The following SATB1 variants were observed in gnomAD, a reference collection of about 807,000 sequenced individuals.
SATB1 encodes the protein SATB homeobox 1.
In SATB1, 11 loss-of-function variants were observed where a neutral mutation model predicts 86.9. The observed-to-expected ratio is 0.13, with a 90% CI of 0.08 to 0.21. The LOEUF (loss-of-function observed/expected upper bound fraction) is 0.21. Among genes scored for constraint, SATB1 ranks in the 10% least tolerant of loss-of-function variants. The pLI is 1.00. For synonymous variants in SATB1, 357 were observed against 357.2 expected (o/e 1.00, Z 0.01); for missense variants, 551 against 937.6 (o/e 0.59, Z 5.39).
At chr3:18,380,591 AACAATT>A (rs1463094351) in intron 8 of SATB1, among the ~76,000 whole-genome samples, 2 of 152,158 alleles carry the variant, frequency 1.3e-5, no homozygotes, top group African/African-American at 4.8e-5. Flanking sequence ...GTGAAACTTT[AACAATT>A]ACAAAGTTAG....
chr3:18,388,117 G>A (rs1696437382), intron 7 of SATB1, among the ~76,000 whole-genome samples: 1 of 152,122 alleles, frequency 6.6e-6, no homozygotes, highest in Non-Finnish European at 1.5e-5. Flanking sequence ...CCTAAGAAAT[G>A]TGACTGAAGA....
chr3:18,373,320 G>T (rs146972675), intron 9 of SATB1, among the ~76,000 whole-genome samples: 36 of 152,288 alleles, frequency 2.4e-4, no homozygotes, highest in Admixed American at 1.2e-3. Flanking sequence ...GGCTACACAG[G>T]TGAACTCTTG....
chr3:18,355,068 G>T (rs1427110869), intron 9 of SATB1, among the ~76,000 whole-genome samples: 3 of 152,076 alleles, frequency 2.0e-5, no homozygotes, highest in Admixed American at 1.3e-4. Context: ...GAAATGCGAT[G>T]ATTTTAAGAG....
In SATB1 at chr3:18,394,568, G is replaced by T; in HGVS notation, c.1100C>A (p.Thr367Asn). The change falls in exon 7 of 11, where the codon ACC becomes AAC. Residue 367 changes from threonine (T) to asparagine (N), a missense_variant. Around this residue, in one of 8 missense-constraint regions of SATB1, gnomAD observed 119 missense variants for 171.1 expected, o/e 0.70. Coordinates refer to ENST00000338745, the MANE Select transcript of SATB1 (RefSeq NM_002971.6). This position sits in a 1 kb window ranked among gnomAD's most constrained non-coding sequence, Gnocchi z 5.9. ...MNKPLEQQVS[T>N]NTEVSSEIYQ... ...GATTTCGGAAGACACCTCTGTGTTG[G>T]TCGAAACCTGTTGCTCCAAAGGCTT... is the stretch of plus-strand genomic sequence containing the variant. The T allele has an allele frequency of 1.9e-6, 3 of 1,614,132 alleles. No individual in the cohort carries two copies. Among genetic ancestry groups the T allele is most frequent in the Non-Finnish European group, 2.5e-6 (3 of 1,180,006 alleles).
At chr3:18,385,631 A>AG (rs1274102868) in intron 8 of SATB1, among the ~76,000 whole-genome samples, 2 of 151,442 alleles carry the variant, frequency 1.3e-5, no homozygotes, top group Non-Finnish European at 2.9e-5. Flanking sequence ...TCAAAAGAAA[A>AG]AAAAAAAAAG....
intron 2 of SATB1, among the ~76,000 whole-genome samples, chr3:18,418,184 A>G (rs1161846525): frequency 6.6e-6 from 1 of 152,168 alleles, no homozygotes; most frequent in East Asian, 1.9e-4. Context: ...GTCCTACAAT[A>G]CTAATGCCTC....
rs1206515861 is a variant in SATB1, at chr3:18,349,786, CTTT to C, written c.1780-107_1780-105del. On this transcript the variant is annotated intron_variant, in intron 10 of 10. Transcript: ENST00000338745. This position sits in a 1 kb window ranked among gnomAD's most constrained non-coding sequence, Gnocchi z 5.5. ...TGGTCCCGGATCCTACATATAGCTT[CTTT>C]GATAGGGATGAAGATTTAGAAAGAA... The C allele has an allele frequency of 6.9e-7, 1 of 1,450,920 alleles. No homozygotes were observed. Among genetic ancestry groups the C allele is most frequent in the African/African-American group, 1.4e-5 (1 of 70,004 alleles). The allele number at this position is 1,450,920 out of a possible 1,614,324, so 89.9% of individuals were successfully genotyped here.
chr3:18,397,166 T>G lies in SATB1; in HGVS notation c.751+13A>C. 1.4e-6 allele frequency: 2 copies of G among 1,443,150 alleles called. No homozygotes were observed. The highest frequency in any genetic ancestry group is 2.0e-6 in the Non-Finnish European group (2 of 1,024,268). 89.4% of individuals were successfully genotyped at this position (1,443,150 alleles called of 1,614,324 possible). The stretch of plus-strand genomic sequence containing the variant: ...TGGTATGTAGCCACTGCTGCAATGT[T>G]TTTTTTGCTTACCCATCATATCTTT... On this transcript the variant is annotated intron_variant, in intron 6 of 10. Coordinates refer to ENST00000338745, the MANE Select transcript of SATB1 (RefSeq NM_002971.6).
At chr3:18,425,814 G>C (rs556168583), upstream of SATB1, among the ~76,000 whole-genome samples, 31 of 145,826 alleles carry the variant, frequency 2.1e-4, no homozygotes, top group African/African-American at 5.8e-4. Flanking sequence ...TGTGTGAGTG[G>C]GAGGGAGGAG....
intron 9 of SATB1, among the ~76,000 whole-genome samples, chr3:18,377,765 T>C (rs1057035179): frequency 5.3e-5 from 8 of 152,106 alleles, no homozygotes; most frequent in Non-Finnish European, 1.2e-4. Flanking sequence ...GATGGCTGAA[T>C]TGGAACAGAA....
intron 2 of SATB1, among the ~76,000 whole-genome samples, chr3:18,431,993 C>T (rs1698905090): frequency 6.6e-6 from 1 of 152,174 alleles, no homozygotes; most frequent in African/African-American, 2.4e-5. Flanking sequence ...CATGGAAGTA[C>T]AGTTCTCAAA....
intron 1 of SATB1, among the ~76,000 whole-genome samples, chr3:18,437,766 T>A (rs901290869): frequency 1.3e-5 from 2 of 152,158 alleles, no homozygotes; most frequent in Non-Finnish European, 2.9e-5. Flanking sequence ...CATTAAACAG[T>A]ACATCTAAGT....
chr3:18,425,932 A>T (rs1698682091), upstream of SATB1, among the ~76,000 whole-genome samples: 3 of 152,012 alleles, frequency 2.0e-5, no homozygotes, highest in Admixed American at 2.0e-4. Flanking sequence ...ACGCCACAAA[A>T]GCCACAAAAA....
intron 9 of SATB1, chr3:18,353,141 T>G (rs971235439): frequency 8.5e-5 from 13 of 152,342 alleles, no homozygotes; most frequent in Non-Finnish European, 1.5e-4. Flanking sequence ...ACCTCTCACC[T>G]GCACTCTGCT....
chr3:18,384,472 T>A (rs202184267), intron 8 of SATB1, among the ~76,000 whole-genome samples: 3 of 103,824 alleles, frequency 2.9e-5, no homozygotes, highest in Non-Finnish European at 6.5e-5. Flanking sequence ...TTTTTTTTTT[T>A]TAAAGCAGTT....
intron 8 of SATB1, among the ~76,000 whole-genome samples, chr3:18,385,394 G>A (rs919977091): frequency 2.0e-5 from 3 of 152,058 alleles, no homozygotes; most frequent in Non-Finnish European, 2.9e-5. Context: ...AGGCCGAGGT[G>A]GGAGGATCAT....
At chr3:18,429,614 C>G (rs1448408236), upstream of SATB1, among the ~76,000 whole-genome samples, 5 of 152,148 alleles carry the variant, frequency 3.3e-5, no homozygotes, top group Non-Finnish European at 7.4e-5. The surrounding 1 kb of genome is among the most constrained non-coding windows in gnomAD (Gnocchi z 4.1). Context: ...CCTGACCCAG[C>G]CTTGAACTTG....
At chr3:18,362,242 G>C (rs964374256) in intron 9 of SATB1, among the ~76,000 whole-genome samples, 1 of 151,822 alleles carries the variant, frequency 6.6e-6, no homozygotes, top group African/African-American at 2.4e-5. Context: ...CCTGCTATTT[G>C]AGTTACATTT....
Position 18,436,279 on chromosome 3 carries a change from G to A in SATB1, c.-25+510C>T, listed in dbSNP as rs191988791. 1.1e-4 allele frequency among the ~76,000 whole-genome samples: 17 copies of A among 152,240 alleles called. No homozygotes were observed. In the East Asian group the frequency reaches 3.3e-3, roughly 29 times the overall value. On this transcript the variant is annotated intron_variant, in intron 2 of 3. Transcript: ENST00000414509. The stretch of plus-strand genomic sequence containing the variant: ...TCATTATTGTAGGAAAGAACGCATA[G>A]AAGGTCAATCAGCCTTGAGGCACTA...
Sources: gnomAD v4.1 joint callset for allele counts (sites outside exome capture counted in the v4.1 genomes callset) on GRCh38, gnomAD v4.1.1 for gene constraint, gnomAD v4.1.1 regional missense constraint, Gnocchi (gnomAD v3.1) non-coding constraint, MANE v1.5 for transcripts, NCBI Gene and HGNC (gene_info 2026-07-23, HGNC 2026-07-21) for gene names.